Variants in ABCC4 observed in about 807,000 individuals in gnomAD.
ABCC4 encodes ATP binding cassette subfamily C member 4 (PEL blood group).
Under a neutral mutation model 168.5 loss-of-function variants are expected in ABCC4, and 102 were observed. That is an observed-to-expected ratio of 0.61 (90% CI 0.52 to 0.71). The LOEUF (loss-of-function observed/expected upper bound fraction) is 0.71. Among genes scored for constraint, ABCC4 ranks in the 30% least tolerant of loss-of-function variants. ABCC4 has a pLI of 0.00. For missense variants in ABCC4, 1,402 were observed against 1,605.8 expected, an observed-to-expected ratio of 0.87 and a Z score of 2.17; for synonymous variants, 617 against 590.7, an observed-to-expected ratio of 1.04 and a Z score of -0.65.
At chr13:95,161,642 A>G (rs2037103734) in intron 18 of ABCC4, 2 of 176,972 alleles carry the variant, frequency 1.1e-5, no homozygotes, top group Non-Finnish European at 2.4e-5. Context: ...ATAATCATGA[A>G]GTGTAGTTGA....
At chr13:95,145,710 A>G (rs1003024675) in intron 19 of ABCC4, among the ~76,000 whole-genome samples, 1 of 152,120 alleles carries the variant, frequency 6.6e-6, no homozygotes, top group African/African-American at 2.4e-5. Flanking sequence ...GGTGCCCATC[A>G]ATGGTGGCCT....
intron 11 of ABCC4, among the ~76,000 whole-genome samples, chr13:95,181,443 C>T (rs1239898006): frequency 2.0e-5 from 3 of 152,242 alleles, no homozygotes; most frequent in Non-Finnish European, 4.4e-5. Context: ...AGCTCAAACT[C>T]TTCTATGAAA....
intron 1 of ABCC4, among the ~76,000 whole-genome samples, chr13:95,254,400 G>A (rs1300236441): frequency 7.2e-6 from 1 of 138,482 alleles, no homozygotes; most frequent in Non-Finnish European, 1.5e-5. Context: ...AGTGCCTAAG[G>A]GCACATACAA....
intron 30 of ABCC4, among the ~76,000 whole-genome samples, chr13:95,029,832 G>T (rs2031779684): frequency 6.6e-6 from 1 of 152,092 alleles, no homozygotes; most frequent in Non-Finnish European, 1.5e-5. Flanking sequence ...GAAGAAACCG[G>T]AGCAGTACTG....
At position 95,186,873 on chromosome 13, in the gene ABCC4, A is replaced by C; in HGVS notation, c.1373T>G (p.Val458Gly). 1 of 1,612,362 alleles carries C rather than the reference A, an allele frequency of 6.2e-7. No individual in the cohort carries two copies. Among genetic ancestry groups the C allele is most frequent in the Admixed American group, 1.7e-5 (1 of 59,604 alleles). The change falls in exon 11 of 31, where the codon GTG (valine) becomes GGG (glycine). Residue 458 changes from valine (V) to glycine (G), a missense_variant. Around this residue, in one of 3 missense-constraint regions of ABCC4, gnomAD observed 1,007 missense variants for 1,127.3 expected, o/e 0.89. Coordinates refer to ENST00000645237, the MANE Select transcript of ABCC4 (RefSeq NM_005845.5). ...GAGKSSLLSA[V>G]LGELAPSHGL... ...GTGACTTGGGGCCAATTCCCCGAGC[A>C]CGGCACTTAACAGTGATGACTGAAA...
At chr13:95,057,922 C>T (rs1490634068) in intron 26 of ABCC4, among the ~76,000 whole-genome samples, 6 of 152,198 alleles carry the variant, frequency 3.9e-5, no homozygotes, top group Non-Finnish European at 7.3e-5. Flanking sequence ...GGGGTGTATG[C>T]TTTCTGCACT....
At chr13:95,206,813 G>C in intron 7 of ABCC4, 32 bp from the exon 8 acceptor site, 1 of 1,610,092 alleles carries the variant, frequency 6.2e-7, no homozygotes, top group Non-Finnish European at 8.5e-7. Flanking sequence ...TAAAAAAGCA[G>C]TGATGTCAAC....
At chr13:95,118,503 C>T (rs1017018277) in intron 19 of ABCC4, among the ~76,000 whole-genome samples, 1 of 152,184 alleles carries the variant, frequency 6.6e-6, no homozygotes. Context: ...CTCAGCCTCC[C>T]AAAGTGCTGG....
Position 95,144,076 on chromosome 13 carries a change from T to C in ABCC4, c.2455+17113A>G, listed in dbSNP as rs1175902974. Among the ~76,000 whole-genome samples, 3 of 152,130 alleles carry C rather than the reference T, an allele frequency of 2.0e-5. No individual in the cohort carries two copies. The East Asian group carries it at 5.8e-4, about 29-fold the overall frequency. The stretch of plus-strand genomic sequence containing the variant: ...ACACACACATACACATTCAGACAGA[T>C]AAACGCATCCATTAGATACACACTG... On this transcript the variant is annotated intron_variant, in intron 19 of 30. Coordinates refer to ENST00000645237, the MANE Select transcript of ABCC4 (RefSeq NM_005845.5).
intron 4 of ABCC4, among the ~76,000 whole-genome samples, chr13:95,229,925 A>C (rs750530261): frequency 1.3e-5 from 2 of 152,234 alleles, no homozygotes; most frequent in Non-Finnish European, 2.9e-5. Flanking sequence ...TCTAAGCTAT[A>C]GAAGTAACCC....
At chr13:95,061,374 C>T (rs933066842) in intron 26 of ABCC4, among the ~76,000 whole-genome samples, 1 of 151,850 alleles carries the variant, frequency 6.6e-6, no homozygotes, top group Non-Finnish European at 1.5e-5. Flanking sequence ...ATTACTTAAG[C>T]GTGATTCCAA....
rs537465644 is a variant in ABCC4, at chr13:95,206,682, G to A, written c.1011C>T (p.Thr337=). Residue 337 remains threonine, a synonymous_variant, in exon 8 of 31, where the codon ACC becomes ACT. Coordinates refer to ENST00000645237, the MANE Select transcript of ABCC4 (RefSeq NM_005845.5). ...ASKIIVFVTF[T]TYVLLGSVIT... is the part of the protein sequence containing the mutation. ...TCACACTGCCGAGGAGCACGTAGGT[G>A]GTGAAGGTCACAAACACGATGATTT... 6.2e-7 allele frequency: 1 copy of A among 1,614,156 alleles called. No individual in the cohort carries two copies. The highest frequency in any genetic ancestry group is 1.7e-5 in the Admixed American group (1 of 60,012).
At chr13:95,092,906 A>G (rs546304041) in intron 20 of ABCC4, among the ~76,000 whole-genome samples, 11 of 152,290 alleles carry the variant, frequency 7.2e-5, no homozygotes, top group African/African-American at 2.2e-4. Context: ...CAAGGCTACT[A>G]TGAACATCTT....
intron 19 of ABCC4, among the ~76,000 whole-genome samples, chr13:95,124,424 GC>G (rs959431015): frequency 2.6e-5 from 4 of 151,950 alleles, no homozygotes; most frequent in African/African-American, 9.7e-5. Context: ...AGGCATGGTG[GC>G]TCAAGCCTGC....
intron 20 of ABCC4, among the ~76,000 whole-genome samples, chr13:95,103,375 T>C (rs1365721383): frequency 6.6e-6 from 1 of 152,242 alleles, no homozygotes; most frequent in African/African-American, 2.4e-5. Flanking sequence ...AGAATCACCC[T>C]AAACAGACCA....
At chr13:95,026,884 G>A (rs1593961975) in intron 30 of ABCC4, among the ~76,000 whole-genome samples, 1 of 64,242 alleles carries the variant, frequency 1.6e-5, no homozygotes, top group Non-Finnish European at 3.0e-5. Context: ...GCAAGACCCT[G>A]TCTCAAAAAA....
chr13:95,159,093 TTATATATATATATATATATA>T lies in ABCC4; in HGVS notation c.2455+2076_2455+2095del, dbSNP rs554884258. Among the ~76,000 whole-genome samples the T allele has an allele frequency of 7.2e-4, 44 of 61,028 alleles. 1 individual carries two copies. The highest frequency in any genetic ancestry group is 0.02 in the Middle Eastern group (2 of 102). 40.0% of individuals were successfully genotyped at this position (61,028 alleles called of 152,430 possible). ...ATGAGACCTTATTTCTAAATAAATT[TTATATATATATATATATATA>T]TATATATATATATATATATAACTAT... On this transcript the variant is annotated intron_variant, in intron 19 of 30. Transcript: ENST00000645237.
intron 26 of ABCC4, chr13:95,054,020 C>CTTTTTT (rs1566375296): frequency 1.2e-4 from 9 of 73,168 alleles, no homozygotes; most frequent in Non-Finnish European, 1.4e-4. Flanking sequence ...AATGGGACAT[C>CTTTTTT]CTTTTTTTTT....
At chr13:95,201,755 T>C (rs1381502268) in intron 8 of ABCC4, among the ~76,000 whole-genome samples, 1 of 152,120 alleles carries the variant, frequency 6.6e-6, no homozygotes, top group African/African-American at 2.4e-5. Context: ...GGTGGATCAC[T>C]TGAGGTCAGG....
Sources: allele counts gnomAD v4.1 joint callset (sites outside exome capture counted in the v4.1 genomes callset), GRCh38; gene constraint gnomAD v4.1.1; regional missense constraint gnomAD v4.1.1; transcripts MANE v1.5; gene names NCBI Gene and HGNC (gene_info 2026-07-23, HGNC 2026-07-21).